The following C20orf173 variants were observed in gnomAD, a reference collection of about 807,000 sequenced individuals.
C20orf173 encodes uncharacterized protein C20orf173.
C20orf173 carries 22 observed loss-of-function variants against 26.7 expected under a neutral mutation model. That is an observed-to-expected ratio of 0.82 (90% CI 0.59 to 1.18). The LOEUF is 1.18. C20orf173 is among the 50% of genes most tolerant of loss of function. C20orf173 has a pLI of 0.00. For missense variants in C20orf173, 210 were observed against 250.3 expected, an observed-to-expected ratio of 0.84 and a Z score of 1.09; for synonymous variants, 85 against 96.4, an observed-to-expected ratio of 0.88 and a Z score of 0.69.
downstream of C20orf173, among the ~76,000 whole-genome samples, chr20:35,526,071 G>A (rs1283135603): frequency 6.6e-6 from 1 of 152,142 alleles, no homozygotes; most frequent in Admixed American, 6.6e-5. Flanking sequence ...TAAATATTTA[G>A]TAGTTTACAG....
At chr20:35,526,461 A>G (rs2064502513), downstream of C20orf173, among the ~76,000 whole-genome samples, 1 of 152,050 alleles carries the variant, frequency 6.6e-6, no homozygotes, top group African/African-American at 2.4e-5. Flanking sequence ...CCCCCTTTCT[A>G]CAAAAACAAA....
In C20orf173 at chr20:35,529,579, G is replaced by A. The variant is rs6060450; in HGVS notation, c.-72C>T. ...CTCACCCTCAAAACGGTCTCTGACTGGGCATGGGGTGGAAGAGGCCAGGGC... is the reference window on the plus strand; with the variant it reads ...CTCACCCTCAAAACGGTCTCTGACTAGGCATGGGGTGGAAGAGGCCAGGGC... On this transcript the variant is annotated 5_prime_UTR_variant, in exon 1 of 6. Transcript: ENST00000444723. 60,260 of 589,748 alleles carry A rather than the reference G, an allele frequency of 0.1. 3,698 individuals are homozygous for A. The highest frequency in any genetic ancestry group is 0.2 in the South Asian group (9,393 of 47,562). 36.5% of individuals were successfully genotyped at this position (589,748 alleles called of 1,614,324 possible).
chr20:35,524,994 C>A (rs189784827), downstream of C20orf173, among the ~76,000 whole-genome samples: 1 of 151,730 alleles, frequency 6.6e-6, no homozygotes, highest in Non-Finnish European at 1.5e-5. Context: ...CCACTGTGCC[C>A]GGCCTTTTGT....
downstream of C20orf173, among the ~76,000 whole-genome samples, chr20:35,523,802 A>C (rs956961667): frequency 6.6e-5 from 10 of 152,164 alleles, no homozygotes; most frequent in Middle Eastern, 3.2e-3. Context: ...GTGGGTGAGC[A>C]GGAGGCAAAG....
At position 35,528,764 on chromosome 20, in the gene C20orf173, C is replaced by T. The variant is rs757907947; in HGVS notation, c.425G>A (p.Arg142His). 3.2e-5 allele frequency: 49 copies of T among 1,548,364 alleles called. No individual in the cohort carries two copies. Among genetic ancestry groups the T allele is most frequent in the East Asian group, 9.8e-5 (4 of 40,898 alleles). ...FYCGTCVLLG[R>H]PQIPQGSSLG... Reference sequence around the variant, plus strand: ...GCTGGAGCCCTGCGGGATCTGTGGGCGCCCCAACAGCACACAAGTCCCACA... The same window carrying T: ...GCTGGAGCCCTGCGGGATCTGTGGGTGCCCCAACAGCACACAAGTCCCACA... The change falls in exon 3 of 6, where the codon CGC becomes CAC. Residue 142 changes from arginine to histidine, a missense_variant. Coordinates refer to ENST00000444723, the MANE Select transcript of C20orf173 (RefSeq NM_001145350.2).
At chr20:35,528,342 A>G in intron 4 of C20orf173, 58 bp from the exon 5 acceptor site, 1 of 1,550,164 alleles carries the variant, frequency 6.5e-7, no homozygotes, top group Non-Finnish European at 8.7e-7. Flanking sequence ...AAGTCCTGCA[A>G]GTGTCCCCAG....
Position 35,528,865 on chromosome 20 carries a change from C to T in C20orf173, c.324G>A (p.Gly108=). Reference sequence around the variant, plus strand: ...TCCTCCACAATTTCCCAAGCTCGCTCCCTGAGTTCATGCCCTGGAAACAGC... The same window carrying T: ...TCCTCCACAATTTCCCAAGCTCGCTTCCTGAGTTCATGCCCTGGAAACAGC... ...TVLWWLGMNS[G]SELGKLWRKL... Residue 108 remains glycine (G), a synonymous_variant, in exon 3 of 6, where the codon GGG becomes GGA. Transcript: ENST00000444723. 1 of 1,551,378 alleles carries T rather than the reference C, an allele frequency of 6.4e-7. No individual in the cohort carries two copies. The highest frequency in any genetic ancestry group is 1.2e-5 in the South Asian group (1 of 84,044).
chr20:35,529,553 G>T lies in C20orf173; in HGVS notation c.-52+6C>A. Reference sequence around the variant, plus strand: ...TCCTCTCCTGCCTCACTATCCATTTGCTCACCCTCAAAACGGTCTCTGACT... The same window carrying T: ...TCCTCTCCTGCCTCACTATCCATTTTCTCACCCTCAAAACGGTCTCTGACT... On this transcript the variant is annotated splice_donor_region_variant and intron_variant, in intron 1 of 5. Transcript: ENST00000444723. The T allele has an allele frequency of 1.6e-6, 1 of 624,982 alleles. No individual in the cohort carries two copies. The highest frequency in any genetic ancestry group is 2.8e-6 in the Non-Finnish European group (1 of 361,534). The allele number at this position is 624,982 out of a possible 1,614,324, so 38.7% of individuals were successfully genotyped here. A position where few individuals can be genotyped will look rare whatever the true frequency, so the allele number is the denominator to read the frequency against.
chr20:35,523,547 A>G (rs1333471969), downstream of C20orf173, among the ~76,000 whole-genome samples: 1 of 152,218 alleles, frequency 6.6e-6, no homozygotes, highest in African/African-American at 2.4e-5. Context: ...AGAGGCAGAA[A>G]GAAAGGGAGA....
At chr20:35,521,703 G>A (rs192098029), downstream of C20orf173, among the ~76,000 whole-genome samples, 12 of 151,848 alleles carry the variant, frequency 7.9e-5, no homozygotes, top group East Asian at 2.3e-3. Flanking sequence ...CCGCCTCCCA[G>A]GTTCAAGCGA....
Position 35,529,416 on chromosome 20 carries a change from C to T in C20orf173, c.-43G>A, listed in dbSNP as rs1269532527. 6.7e-7 allele frequency: 1 copy of T among 1,484,490 alleles called. No homozygotes were observed. Among genetic ancestry groups the T allele is most frequent in the Admixed American group, 2.1e-5 (1 of 47,148 alleles). The allele number at this position is 1,484,490 out of a possible 1,614,324, so 92.0% of individuals were successfully genotyped here. A position where few individuals can be genotyped will look rare whatever the true frequency, so the allele number is the denominator to read the frequency against. On this transcript the variant is annotated 5_prime_UTR_variant, in exon 2 of 6. Coordinates refer to ENST00000444723, the MANE Select transcript of C20orf173 (RefSeq NM_001145350.2). Reference sequence around the variant, plus strand: ...GCTCCCGTGGTGGGCCGTAGACTGGCTTCTCTACCTGTAAGGATGAGGGGC... The same window carrying T: ...GCTCCCGTGGTGGGCCGTAGACTGGTTTCTCTACCTGTAAGGATGAGGGGC...
downstream of C20orf173, among the ~76,000 whole-genome samples, chr20:35,526,649 A>C (rs2064504389): frequency 6.6e-6 from 1 of 150,560 alleles, no homozygotes; most frequent in Non-Finnish European, 1.5e-5. Context: ...AAAAAAAAAA[A>C]AGCGAATTGG....
downstream of C20orf173, chr20:35,521,239 A>G (rs2064473256): frequency 6.6e-6 from 1 of 152,466 alleles, no homozygotes; most frequent in South Asian, 2.1e-4. Context: ...AGCACCACTC[A>G]CTCAACCACT....
chr20:35,527,191 C>G lies in C20orf173; in HGVS notation c.*85G>C, dbSNP rs1273720436. 1 of 152,216 alleles carries G rather than the reference C, an allele frequency of 6.6e-6. No homozygotes were observed. Among genetic ancestry groups the G allele is most frequent in the Non-Finnish European group, 1.5e-5 (1 of 68,050 alleles). 9.4% of individuals were successfully genotyped at this position (152,216 alleles called of 1,614,324 possible). A position where few individuals can be genotyped will look rare whatever the true frequency, so the allele number is the denominator to read the frequency against. The stretch of plus-strand genomic sequence containing the variant: ...CCTTGGAGCCCTTGGTCTGATTATC[C>G]TCCTTCCAGTGATAGAAACACTTTC... On this transcript the variant is annotated 3_prime_UTR_variant, in exon 6 of 6. Coordinates refer to ENST00000444723, the MANE Select transcript of C20orf173 (RefSeq NM_001145350.2).
downstream of C20orf173, among the ~76,000 whole-genome samples, chr20:35,525,431 A>G (rs969823680): frequency 6.6e-6 from 1 of 152,126 alleles, no homozygotes; most frequent in African/African-American, 2.4e-5. Context: ...GGGCACCTGT[A>G]ATCCCAGCTA....
At chr20:35,528,164 G>T in intron 5 of C20orf173, 69 bp downstream of exon 5, 1 of 1,366,216 alleles carries the variant, frequency 7.3e-7, no homozygotes, top group Non-Finnish European at 1.0e-6. Flanking sequence ...AAGGGGGAGG[G>T]AACTGACCTG....
chr20:35,522,090 C>T (rs2064478859), downstream of C20orf173: 1 of 152,662 alleles, frequency 6.6e-6, no homozygotes, highest in South Asian at 2.1e-4. Flanking sequence ...ATCACCAGCA[C>T]CTAGGAAGAT....
chr20:35,521,910 G>A (rs1279079556), downstream of C20orf173: 1 of 152,724 alleles, frequency 6.5e-6, no homozygotes, highest in African/African-American at 2.4e-5. Context: ...GCCCAGCCAA[G>A]AAGACAGAAA....
downstream of C20orf173, among the ~76,000 whole-genome samples, chr20:35,526,188 C>T (rs1287423998): frequency 1.3e-5 from 2 of 152,188 alleles, no homozygotes; most frequent in Non-Finnish European, 2.9e-5. Flanking sequence ...CTGCTGCCAA[C>T]ACAACTGGGC....
Sources: gnomAD v4.1 joint callset for allele counts (sites outside exome capture counted in the v4.1 genomes callset) on GRCh38, gnomAD v4.1.1 for gene constraint, MANE v1.5 for transcripts, NCBI Gene and HGNC (gene_info 2026-07-23, HGNC 2026-07-21) for gene names.